Variants in PTPRG observed in about 807,000 individuals in gnomAD.
The protein encoded by PTPRG is receptor-type tyrosine-protein phosphatase gamma.
In PTPRG, 102 loss-of-function variants were observed where a neutral mutation model predicts 165.3. The observed-to-expected ratio is 0.62, with a 90% CI of 0.53 to 0.73. PTPRG has a LOEUF of 0.73. Ranked by LOEUF, PTPRG falls within the 30% of genes least tolerant of loss-of-function variation. PTPRG has a pLI of 0.00. For synonymous variants in PTPRG, 675 were observed against 669.5 expected, an observed-to-expected ratio of 1.01 and a Z score of -0.13; for missense variants, 1,866 against 1,861.4, an observed-to-expected ratio of 1.00 and a Z score of -0.05.
At position 62,240,405 on chromosome 3, in the gene PTPRG, T is replaced by TTGGGTGAGACTATAA. The variant is rs1456860764; in HGVS notation, c.2376-3400_2376-3386dup. Among the ~76,000 whole-genome samples, 1 of 152,162 alleles carries TTGGGTGAGACTATAA rather than the reference T, an allele frequency of 6.6e-6. No individual in the cohort carries two copies. Among genetic ancestry groups the TTGGGTGAGACTATAA allele is most frequent in the African/African-American group, 2.4e-5 (1 of 41,424 alleles). On this transcript the variant is annotated intron_variant, in intron 14 of 29. Transcript: ENST00000474889. The surrounding 1 kb of genome is among the most constrained non-coding windows in gnomAD (Gnocchi z 5.1). The stretch of plus-strand genomic sequence containing the variant: ...TGGAAAACAGCCCATCTGTCTATAT[T>TTGGGTGAGACTATAA]TGGGTGAGACTATAATAATAGCCCA...
chr3:62,018,428 C>T (rs909441900), intron 4 of PTPRG, among the ~76,000 whole-genome samples: 12 of 152,158 alleles, frequency 7.9e-5, no homozygotes, highest in Non-Finnish European at 4.4e-5. Context: ...ACTAGAATCC[C>T]ACAATGTCAG....
rs994602312 is a variant in PTPRG at position 62,292,523 on chromosome 3, C to A, written c.4158C>A (p.Ile1386=). Residue 1386 remains isoleucine (I), a synonymous_variant, in exon 29 of 30, where the codon ATC becomes ATA. Coordinates refer to ENST00000474889, the MANE Select transcript of PTPRG (RefSeq NM_002841.4). ...ATGTTTTCCAGGTTGCAAAAATGAT[C>A]AATCTTATGAGGCCTGGAGTATTCA... is the stretch of plus-strand genomic sequence containing the variant. ...AVDVFQVAKM[I]NLMRPGVFTD... The A allele has an allele frequency of 6.2e-7, 1 of 1,613,432 alleles. No homozygotes were observed. Among genetic ancestry groups the A allele is most frequent in the African/African-American group, 1.3e-5 (1 of 74,858 alleles).
intron 2 of PTPRG, among the ~76,000 whole-genome samples, chr3:61,885,893 T>TG (rs1213480003): frequency 2.0e-5 from 3 of 150,068 alleles, no homozygotes; most frequent in Non-Finnish European, 4.4e-5. Context: ...AATACAGAGC[T>TG]GGGGTAGGTA....
chr3:61,823,307 C>G (rs1436366192), intron 2 of PTPRG, among the ~76,000 whole-genome samples: 1 of 152,228 alleles, frequency 6.6e-6, no homozygotes, highest in African/African-American at 2.4e-5. Flanking sequence ...TCTCCTGCCT[C>G]AGCCTCCTAA....
At chr3:62,193,629 G>A (rs190282827) in intron 9 of PTPRG, among the ~76,000 whole-genome samples, 3 of 152,332 alleles carry the variant, frequency 2.0e-5, no homozygotes, top group African/African-American at 4.8e-5. Context: ...CTGTGGGCAG[G>A]TGTTATTGCC....
At chr3:61,756,812 G>A (rs766155034) in intron 2 of PTPRG, among the ~76,000 whole-genome samples, 1 of 152,152 alleles carries the variant, frequency 6.6e-6, no homozygotes, top group Non-Finnish European at 1.5e-5. Flanking sequence ...TTCAATTGTT[G>A]CTGTGATGGG....
chr3:61,808,889 T>A (rs2035493434), intron 2 of PTPRG, among the ~76,000 whole-genome samples: 1 of 151,542 alleles, frequency 6.6e-6, no homozygotes, highest in African/African-American at 2.4e-5. Flanking sequence ...CTTTTGTATC[T>A]TTGTTGATAA....
At chr3:61,663,484 C>G (rs1182968549) in intron 1 of PTPRG, among the ~76,000 whole-genome samples, 1 of 152,064 alleles carries the variant, frequency 6.6e-6, no homozygotes, top group Non-Finnish European at 1.5e-5. Flanking sequence ...ATAGTGTATT[C>G]AAAGCAGTAG....
chr3:61,836,110 A>G (rs1460344843), intron 2 of PTPRG, among the ~76,000 whole-genome samples: 1 of 127,424 alleles, frequency 7.8e-6, no homozygotes, highest in East Asian at 2.5e-4. Flanking sequence ...CCTGAACCCC[A>G]CTGCAGATTA....
chr3:61,617,820 A>T (rs138709183), intron 1 of PTPRG, among the ~76,000 whole-genome samples: 5 of 152,268 alleles, frequency 3.3e-5, no homozygotes, highest in African/African-American at 1.2e-4. Context: ...CCTGCCTTCT[A>T]TATCTTCTTT....
At chr3:61,982,342 C>A (rs13320692) in intron 2 of PTPRG, among the ~76,000 whole-genome samples, 59,882 of 151,858 alleles carry the variant, frequency 0.39, 12,211 homozygotes, top group African/African-American at 0.5. Context: ...TTTAAGTCAG[C>A]CTAGTTAGGT....
intron 28 of PTPRG, among the ~76,000 whole-genome samples, chr3:62,289,976 T>C (rs894966147): frequency 3.0e-4 from 45 of 152,176 alleles, no homozygotes; most frequent in African/African-American, 1.1e-3. Context: ...GTCAACTACC[T>C]AGAGAAGCCA....
chr3:61,780,627 C>G (rs2034520718), intron 2 of PTPRG, among the ~76,000 whole-genome samples: 1 of 152,156 alleles, frequency 6.6e-6, no homozygotes, highest in African/African-American at 2.4e-5. Flanking sequence ...CTGCATTCTT[C>G]CCTGACAGCA....
intron 1 of PTPRG, among the ~76,000 whole-genome samples, chr3:61,729,829 G>A (rs1422084298): frequency 6.6e-6 from 1 of 151,988 alleles, no homozygotes; most frequent in African/African-American, 2.4e-5. Flanking sequence ...GCTCATTAAT[G>A]TACTTTGCCT....
At chr3:61,948,546 C>G (rs1008512414) in intron 2 of PTPRG, among the ~76,000 whole-genome samples, 1 of 152,018 alleles carries the variant, frequency 6.6e-6, no homozygotes, top group Non-Finnish European at 1.5e-5. Flanking sequence ...GTTATGTCCT[C>G]CAGATATGGA....
chr3:62,177,374 T>A (rs1705466020), intron 8 of PTPRG, among the ~76,000 whole-genome samples: 1 of 152,176 alleles, frequency 6.6e-6, no homozygotes. Context: ...TAGTACAGGA[T>A]CTTGGATATG....
chr3:61,937,312 T>G (rs2039504387), intron 2 of PTPRG, among the ~76,000 whole-genome samples: 1 of 152,218 alleles, frequency 6.6e-6, no homozygotes, highest in South Asian at 2.1e-4. Flanking sequence ...CATTTCATTT[T>G]GACCCTGGTT....
At chr3:62,226,393 A>G (rs4072198) in intron 13 of PTPRG, among the ~76,000 whole-genome samples, 75,985 of 152,126 alleles carry the variant, frequency 0.5, 19,519 homozygotes, top group African/African-American at 0.6. Context: ...AAATCATGTG[A>G]AAGAAAACTT....
chr3:62,153,221 T>C lies in PTPRG; in HGVS notation c.683-3846T>C, dbSNP rs377553491. Among the ~76,000 whole-genome samples, 158 of 152,358 alleles carry C rather than the reference T, an allele frequency of 1.0e-3. 6 individuals are homozygous for C. The South Asian group carries it at 0.03, about 29-fold the overall frequency. On this transcript the variant is annotated intron_variant, in intron 6 of 29. Transcript: ENST00000474889. ...GCTTAAAACCCAAAATGAGCCAGCC[T>C]GTACCTCATCTGGGCTTGTGGTCAG...
Sources: allele counts gnomAD v4.1 joint callset (sites outside exome capture counted in the v4.1 genomes callset), GRCh38; gene constraint gnomAD v4.1.1; non-coding constraint Gnocchi (gnomAD v3.1); transcripts MANE v1.5; gene names NCBI Gene and HGNC (gene_info 2026-07-23, HGNC 2026-07-21).